KCNQ5: variants seen among roughly 807,000 people sequenced by gnomAD.
KCNQ5 encodes the protein potassium voltage-gated channel subfamily Q member 5, also known as potassium voltage-gated channel subfamily KQT member 5.
KCNQ5 carries 30 observed loss-of-function variants against 98.2 expected under a neutral mutation model. The ratio of observed to expected loss-of-function variants is 0.31; its 90% CI spans 0.23 to 0.41. KCNQ5 has a LOEUF of 0.41. Among genes scored for constraint, KCNQ5 ranks in the 10% least tolerant of loss-of-function variants. The pLI is 1.00. For synonymous variants in KCNQ5, 458 were observed against 449.4 expected, an observed-to-expected ratio of 1.02 and a Z score of -0.24; for missense variants, 835 against 1,182.5, an observed-to-expected ratio of 0.71 and a Z score of 4.31.
intron 1 of KCNQ5, among the ~76,000 whole-genome samples, chr6:72,781,325 G>A (rs1309585295): frequency 6.6e-6 from 1 of 152,188 alleles, no homozygotes; most frequent in Non-Finnish European, 1.5e-5. Flanking sequence ...CATGGCTTTG[G>A]TGACACCTTA....
intron 1 of KCNQ5, among the ~76,000 whole-genome samples, chr6:72,969,370 G>C (rs1420384746): frequency 6.6e-6 from 1 of 152,172 alleles, no homozygotes; most frequent in Admixed American, 6.5e-5. Flanking sequence ...GGTATAACAT[G>C]TAAGGTTAGA....
chr6:73,196,229 T>G lies in KCNQ5; in HGVS notation c.*815T>G, dbSNP rs1765788088. On this transcript the variant is annotated 3_prime_UTR_variant, in exon 14 of 14. Transcript: ENST00000370398. The stretch of plus-strand genomic sequence containing the variant: ...AGTAGAACAGCCATTGTGATTGGAC[T>G]GGTTTCTCTGCAATGGCGCCAACCC... 1 of 152,288 alleles carries G rather than the reference T, an allele frequency of 6.6e-6. No individual in the cohort carries two copies. The highest frequency in any genetic ancestry group is 1.5e-5 in the Non-Finnish European group (1 of 68,080). The allele number at this position is 152,288 out of a possible 1,614,324, so 9.4% of individuals were successfully genotyped here.
At chr6:72,920,198 G>GC (rs1780330498) in intron 1 of KCNQ5, among the ~76,000 whole-genome samples, 1 of 152,224 alleles carries the variant, frequency 6.6e-6, no homozygotes, top group Middle Eastern at 3.4e-3. Flanking sequence ...GGAGGCTGAG[G>GC]CAGGGGATTC....
intron 1 of KCNQ5, among the ~76,000 whole-genome samples, chr6:72,917,765 G>A (rs1376592108): frequency 4.6e-5 from 7 of 151,960 alleles, no homozygotes; most frequent in South Asian, 2.1e-4. Flanking sequence ...GTCACCATGC[G>A]CGGCCAGGAG....
chr6:72,921,480 A>T (rs1054093146), intron 1 of KCNQ5, among the ~76,000 whole-genome samples: 1 of 152,184 alleles, frequency 6.6e-6, no homozygotes, highest in Non-Finnish European at 1.5e-5. Flanking sequence ...AAAGAGCAAG[A>T]TAGTGGTGTA....
intron 1 of KCNQ5, among the ~76,000 whole-genome samples, chr6:72,716,435 G>A (rs1769649535): frequency 6.6e-6 from 1 of 152,166 alleles, no homozygotes; most frequent in African/African-American, 2.4e-5. Context: ...TTAATTGCTG[G>A]TTTTAAGTTC....
intron 1 of KCNQ5, among the ~76,000 whole-genome samples, chr6:72,671,372 T>C (rs1224519863): frequency 2.0e-5 from 3 of 152,190 alleles, no homozygotes; most frequent in Non-Finnish European, 4.4e-5. Flanking sequence ...ATTGTCAGAA[T>C]AGCCAGAAGG....
chr6:72,858,723 G>A (rs1208774698), intron 1 of KCNQ5, among the ~76,000 whole-genome samples: 2 of 151,652 alleles, frequency 1.3e-5, no homozygotes, highest in Non-Finnish European at 2.9e-5. Context: ...GTTGTCTAAC[G>A]CTTCCATTCC....
Position 73,042,026 on chromosome 6 carries a change from A to C in KCNQ5, c.580A>C (p.Arg194=). The C allele has an allele frequency of 6.2e-7, 1 of 1,613,972 alleles. No homozygotes were observed. Among genetic ancestry groups the C allele is most frequent in the Non-Finnish European group, 8.5e-7 (1 of 1,179,816 alleles). The change falls in exon 3 of 14, where the codon AGA becomes CGA. Residue 194 remains arginine, a synonymous_variant. Coordinates refer to ENST00000370398, the MANE Select transcript of KCNQ5 (RefSeq NM_019842.4). ...TTGTCGATATAGAGGATGGCAAGGA[A>C]GACTGAGGTTTGCTCGAAAGCCCTT... The part of the protein sequence containing the change: ...CCCRYRGWQG[R]LRFARKPFCV...
At chr6:72,850,571 A>G (rs564136573) in intron 1 of KCNQ5, among the ~76,000 whole-genome samples, 1 of 152,290 alleles carries the variant, frequency 6.6e-6, no homozygotes, top group Non-Finnish European at 1.5e-5. Flanking sequence ...ACACTTACTT[A>G]GTTCCTGGAG....
At chr6:72,630,843 A>G (rs565857365) in intron 1 of KCNQ5, among the ~76,000 whole-genome samples, 2 of 152,296 alleles carry the variant, frequency 1.3e-5, no homozygotes, top group East Asian at 1.9e-4. Flanking sequence ...TTTGAGGAAG[A>G]TAGGATTTAG....
At chr6:72,649,103 T>G (rs1296274436) in intron 1 of KCNQ5, among the ~76,000 whole-genome samples, 2 of 152,130 alleles carry the variant, frequency 1.3e-5, no homozygotes, top group Non-Finnish European at 2.9e-5. Flanking sequence ...AGCACAGGCT[T>G]TGTCCTGCTC....
intron 2 of KCNQ5, among the ~76,000 whole-genome samples, chr6:73,036,450 G>T (rs1315756874): frequency 2.1e-5 from 3 of 144,286 alleles, no homozygotes; most frequent in African/African-American, 7.8e-5. Context: ...GATCTCTCAA[G>T]TTACCCCTTG....
intron 10 of KCNQ5, among the ~76,000 whole-genome samples, chr6:73,137,471 TA>T (rs1214944741): frequency 6.6e-6 from 1 of 152,176 alleles, no homozygotes; most frequent in Non-Finnish European, 1.5e-5. Context: ...AATTCTATAA[TA>T]AAAGATAGAA....
chr6:73,134,160 T>A (rs140667792), intron 10 of KCNQ5: 63 of 289,510 alleles, frequency 2.2e-4, no homozygotes, highest in Middle Eastern at 5.6e-4. Flanking sequence ...CTGTTGAAAG[T>A]TATTTCGAAG....
intron 1 of KCNQ5, chr6:72,640,976 G>A (rs367701625): frequency 6.6e-6 from 1 of 152,080 alleles, no homozygotes; most frequent in African/African-American, 2.4e-5. Flanking sequence ...GCATTGTAGT[G>A]CTAACAGGGA....
chr6:73,098,384 G>C (rs1209260443), intron 5 of KCNQ5, among the ~76,000 whole-genome samples: 1 of 152,118 alleles, frequency 6.6e-6, no homozygotes, highest in East Asian at 1.9e-4. Flanking sequence ...CCCAAACCTA[G>C]AGAAAGATAT....
intron 1 of KCNQ5, among the ~76,000 whole-genome samples, chr6:72,644,521 G>A (rs575726336): frequency 1.1e-4 from 16 of 152,184 alleles, no homozygotes; most frequent in African/African-American, 2.6e-4. Flanking sequence ...TTAACTTAGA[G>A]GTTACAAATC....
intron 1 of KCNQ5, among the ~76,000 whole-genome samples, chr6:72,816,178 T>A (rs1251834246): frequency 2.0e-5 from 3 of 152,062 alleles, no homozygotes; most frequent in Non-Finnish European, 4.4e-5. Context: ...TTGTCGCAAA[T>A]AAATATGGAA....
Sources: gnomAD v4.1 joint callset for allele counts (sites outside exome capture counted in the v4.1 genomes callset) on GRCh38, gnomAD v4.1.1 for gene constraint, MANE v1.5 for transcripts, NCBI Gene and HGNC (gene_info 2026-07-23, HGNC 2026-07-21) for gene names.